ATP11A: variants seen among roughly 807,000 people sequenced by gnomAD.
ATP11A encodes phospholipid-transporting ATPase IH.
Under a neutral mutation model 154.4 loss-of-function variants are expected in ATP11A, and 81 were observed. The observed-to-expected ratio is 0.52, with a 90% CI of 0.44 to 0.63. The LOEUF is 0.63. Among genes scored for constraint, ATP11A ranks in the 30% least tolerant of loss-of-function variants. The probability of loss-of-function intolerance (pLI) is 0.00; values close to 1 mark genes in which losing one functional copy is unlikely to be tolerated. For synonymous variants in ATP11A, 623 were observed against 585.9 expected, an observed-to-expected ratio of 1.06 and a Z score of -0.91; for missense variants, 1,316 against 1,474.3, an observed-to-expected ratio of 0.89 and a Z score of 1.76.
At chr13:112,843,461 C>T (rs528565717) in intron 17 of ATP11A, among the ~76,000 whole-genome samples, 20 of 152,256 alleles carry the variant, frequency 1.3e-4, no homozygotes, top group African/African-American at 4.1e-4. Context: ...CCTCTCACAC[C>T]GACCTTATCA....
chr13:112,874,262 C>T (rs550656396), intron 27 of ATP11A, among the ~76,000 whole-genome samples: 13 of 152,256 alleles, frequency 8.5e-5, no homozygotes, highest in African/African-American at 2.9e-4. Flanking sequence ...GAGTGGGAGC[C>T]GTGGCCAGCG....
In ATP11A at chr13:112,856,105, G is replaced by T. The variant is rs373667262; in HGVS notation, c.2418+20G>T. On this transcript the variant is annotated intron_variant, in intron 20 of 29. Coordinates refer to ENST00000375645, the MANE Select transcript of ATP11A (RefSeq NM_015205.3). ...GCTCAGGTGCTGCCCGCCCGTCCTC[G>T]ATAGCTGGTGGTCAGGGCGTCCAAA... 2 of 1,601,908 alleles carry T rather than the reference G, an allele frequency of 1.2e-6. No homozygotes were observed. Among genetic ancestry groups the T allele is most frequent in the Middle Eastern group, 2.1e-4 (1 of 4,678 alleles).
chr13:112,761,078 C>A (rs395246), intron 1 of ATP11A, among the ~76,000 whole-genome samples: 30,230 of 152,092 alleles, frequency 0.2, 3,445 homozygotes, highest in African/African-American at 0.31. Context: ...GGGACTGAAC[C>A]CTCCCTTCGT....
rs2077600845 is a variant in ATP11A, at chr13:112,785,406, C to T, written c.162+149C>T. On this transcript the variant is annotated intron_variant, in intron 2 of 29. Coordinates refer to ENST00000375645, the MANE Select transcript of ATP11A (RefSeq NM_015205.3). The surrounding 1 kb of genome is among the most constrained non-coding windows in gnomAD (Gnocchi z 4.8). ...CCCCAGCAAGGGCTTCGGATCAGGA[C>T]CTCACCGAGGGCGCTACTCTCTCCC... The T allele has an allele frequency of 3.2e-6, 3 of 949,500 alleles. No individual in the cohort carries two copies. The highest frequency in any genetic ancestry group is 6.3e-5 in the East Asian group (2 of 31,532). 58.8% of individuals were successfully genotyped at this position (949,500 alleles called of 1,614,324 possible). A position where few individuals can be genotyped will look rare whatever the true frequency, so the allele number is the denominator to read the frequency against.
At chr13:112,730,827 C>T (rs990142431) in intron 1 of ATP11A, among the ~76,000 whole-genome samples, 3 of 152,190 alleles carry the variant, frequency 2.0e-5, no homozygotes, top group Admixed American at 1.3e-4. Flanking sequence ...GGAGGATTTT[C>T]GGAATTAGAT....
At chr13:112,795,103 G>A (rs1208272994) in intron 2 of ATP11A, among the ~76,000 whole-genome samples, 3 of 151,032 alleles carry the variant, frequency 2.0e-5, no homozygotes, top group African/African-American at 7.3e-5. Context: ...AATTAGCCGG[G>A]CATCTTGGGG....
At chr13:112,703,900 C>T (rs1886861523) in intron 1 of ATP11A, among the ~76,000 whole-genome samples, 1 of 152,196 alleles carries the variant, frequency 6.6e-6, no homozygotes, top group African/African-American at 2.4e-5. Context: ...TTGGGCCTGT[C>T]TGCTCAGTAA....
intron 2 of ATP11A, among the ~76,000 whole-genome samples, chr13:112,788,198 T>A (rs1052525087): frequency 7.8e-6 from 1 of 127,628 alleles, no homozygotes; most frequent in Non-Finnish European, 1.6e-5. Flanking sequence ...ATGTGTAGAC[T>A]CCTGTGGAGA....
At position 112,802,066 on chromosome 13, in the gene ATP11A, T is replaced by C. The variant is rs183489766; in HGVS notation, c.163-2891T>C. Among the ~76,000 whole-genome samples, 566 of 152,250 alleles carry C rather than the reference T, an allele frequency of 3.7e-3. 6 individuals carry two copies. Among genetic ancestry groups the C allele is most frequent in the African/African-American group, 0.013 (525 of 41,552 alleles). On this transcript the variant is annotated intron_variant, in intron 2 of 29. Transcript: ENST00000375645. Reference sequence around the variant, plus strand: ...GCTGAAAGAATAGAGAAATAGCGGCTGGGCGTGGCGGCTCACACCTGTCAT... The same window carrying C: ...GCTGAAAGAATAGAGAAATAGCGGCCGGGCGTGGCGGCTCACACCTGTCAT...
Position 112,810,609 on chromosome 13 carries a change from CT to C in ATP11A, c.334-3del, listed in dbSNP as rs757774454. ...GCTTCCTCTCTCCCTTCTTTCCTTCCTTTTTTTAGGGTTATGAAGACTGGCT... is the reference window on the plus strand; with the variant it reads ...GCTTCCTCTCTCCCTTCTTTCCTTCCTTTTTTAGGGTTATGAAGACTGGCT... On this transcript the variant is annotated splice_polypyrimidine_tract_variant and intron_variant, in intron 4 of 29. Coordinates refer to ENST00000375645, the MANE Select transcript of ATP11A (RefSeq NM_015205.3). 1.2e-6 allele frequency: 2 copies of C among 1,611,054 alleles called. No individual in the cohort carries two copies. The highest frequency in any genetic ancestry group is 1.1e-5 in the South Asian group (1 of 90,924).
At chr13:112,862,399 G>T in intron 24 of ATP11A, 41 bp from the exon 25 acceptor site, 4 of 1,609,308 alleles carry the variant, frequency 2.5e-6, no homozygotes, top group Non-Finnish European at 2.5e-6. Flanking sequence ...GCCGGGCCCT[G>T]ATTCTCGAGG....
At chr13:112,770,690 G>A (rs1024132743) in intron 1 of ATP11A, among the ~76,000 whole-genome samples, 27 of 152,220 alleles carry the variant, frequency 1.8e-4, no homozygotes, top group Middle Eastern at 3.2e-3. Flanking sequence ...AGGCCCGCAC[G>A]CCCACCAGAG....
At chr13:112,834,568 A>C (rs765941669) in intron 14 of ATP11A, 21 bp from the exon 15 acceptor site, 1 of 1,555,352 alleles carries the variant, frequency 6.4e-7, no homozygotes, top group Non-Finnish European at 8.9e-7. Context: ...ATTCACCCCG[A>C]GGTTTCCCTT....
chr13:112,841,401 G>A (rs1321863168), intron 16 of ATP11A, among the ~76,000 whole-genome samples: 1 of 148,962 alleles, frequency 6.7e-6, no homozygotes, highest in African/African-American at 2.5e-5. Flanking sequence ...CAGCCGCCTG[G>A]CAGAGTGCCA....
In ATP11A at chr13:112,806,260, C is replaced by T; in HGVS notation, c.300C>T (p.Leu100=). Residue 100 remains leucine, a synonymous_variant, in exon 4 of 30, where the codon CTC becomes CTT. Coordinates refer to ENST00000375645, the MANE Select transcript of ATP11A (RefSeq NM_015205.3). ...PTSPVTSGLP[L]FFVITVTAIK... ...GTCCAGTGACAAGCGGACTTCCACT[C>T]TTCTTTGTCATTACTGTGACGGCTA... 6.2e-7 allele frequency: 1 copy of T among 1,613,674 alleles called. No homozygotes were observed. The highest frequency in any genetic ancestry group is 8.5e-7 in the Non-Finnish European group (1 of 1,179,728).
At chr13:112,833,547 A>G (rs955887917) in intron 14 of ATP11A, among the ~76,000 whole-genome samples, 12 of 152,102 alleles carry the variant, frequency 7.9e-5, no homozygotes, top group African/African-American at 2.7e-4. Context: ...TTTCAAATCC[A>G]TCCAGCTCAT....
intron 1 of ATP11A, among the ~76,000 whole-genome samples, chr13:112,783,886 T>G (rs904530434): frequency 1.3e-5 from 2 of 152,216 alleles, no homozygotes; most frequent in Admixed American, 6.5e-5. Flanking sequence ...AAATACAGTG[T>G]TCCGAGTAAT....
intron 25 of ATP11A, among the ~76,000 whole-genome samples, chr13:112,870,812 G>A (rs999283561): frequency 9.2e-5 from 14 of 152,372 alleles, no homozygotes; most frequent in Admixed American, 2.0e-4. Flanking sequence ...GTTTCCAGTC[G>A]GGGGTTTTCC....
intron 4 of ATP11A, among the ~76,000 whole-genome samples, chr13:112,809,984 T>A (rs1422430288): frequency 1.3e-5 from 2 of 152,246 alleles, no homozygotes; most frequent in African/African-American, 4.8e-5. Context: ...GCCCCCTGCC[T>A]GTGCGTGCAC....
Sources: gnomAD v4.1 joint callset for allele counts (sites outside exome capture counted in the v4.1 genomes callset) on GRCh38, gnomAD v4.1.1 for gene constraint, Gnocchi (gnomAD v3.1) non-coding constraint, MANE v1.5 for transcripts, NCBI Gene and HGNC (gene_info 2026-07-23, HGNC 2026-07-21) for gene names.